Variants in EIF2B3 observed in about 807,000 individuals in gnomAD.
The protein encoded by EIF2B3 is eukaryotic translation initiation factor 2B subunit gamma, also known as translation initiation factor eIF2B subunit gamma.
A neutral mutation model predicts 54.1 loss-of-function variants in EIF2B3; 20 were observed. The ratio of observed to expected loss-of-function variants is 0.37; its 90% CI spans 0.26 to 0.54. EIF2B3 has a LOEUF of 0.54. Ranked by LOEUF, EIF2B3 falls within the 20% of genes least tolerant of loss-of-function variation. The pLI is 0.86. For missense variants in EIF2B3, 448 were observed against 547.8 expected, an observed-to-expected ratio of 0.82 and a Z score of 1.82; for synonymous variants, 153 against 188.1, an observed-to-expected ratio of 0.81 and a Z score of 1.52.
intron 8 of EIF2B3, among the ~76,000 whole-genome samples, 161 bp downstream of exon 8, chr1:44,879,657 C>T (rs2148904644): frequency 6.6e-6 from 1 of 152,238 alleles, no homozygotes; most frequent in East Asian, 1.9e-4. Context: ...TTTGCTGCAC[C>T]TGAGTACCCT....
intron 1 of EIF2B3, among the ~76,000 whole-genome samples, chr1:44,982,915 A>G (rs1224274311): frequency 6.6e-6 from 1 of 152,124 alleles, no homozygotes; most frequent in Non-Finnish European, 1.5e-5. Context: ...GGCATGCACC[A>G]CCACGCCCAG....
At chr1:44,929,609 A>G (rs905453334) in intron 4 of EIF2B3, among the ~76,000 whole-genome samples, 1 of 152,236 alleles carries the variant, frequency 6.6e-6, no homozygotes, top group African/African-American at 2.4e-5. Context: ...TATACATTAC[A>G]TGGAAACTTG....
chr1:44,881,581 C>T lies in EIF2B3; in HGVS notation c.784+31G>A, dbSNP rs1489355070. On this transcript the variant is annotated intron_variant, in intron 7 of 11. Transcript: ENST00000360403. This position sits in a 1 kb window ranked among gnomAD's most constrained non-coding sequence, Gnocchi z 4.0. Reference sequence around the variant, plus strand: ...CTTTCCAAAGGTGCTGCTACCCTTGCCCCTCTTACTGAACCAACCCAAGAA... The same window carrying T: ...CTTTCCAAAGGTGCTGCTACCCTTGTCCCTCTTACTGAACCAACCCAAGAA... The T allele has an allele frequency of 4.3e-6, 7 of 1,612,788 alleles. No individual in the cohort carries two copies. In the East Asian group the frequency reaches 1.3e-4, roughly 31 times the overall value.
rs562316677 is a variant in EIF2B3, at chr1:44,940,314, A to G, written c.454+1192T>C. Among the ~76,000 whole-genome samples the G allele has an allele frequency of 1.3e-5, 2 of 152,340 alleles. 1 individual carries two copies. Among genetic ancestry groups the G allele is most frequent in the South Asian group, 4.1e-4 (2 of 4,828 alleles). ...ATAATGCTGGCAAAGCAAAACCTAA[A>G]GAATACATCATTCCAGAGGAAAACT... On this transcript the variant is annotated intron_variant, in intron 4 of 11. Transcript: ENST00000360403.
chr1:44,929,597 C>T (rs1643879669), intron 4 of EIF2B3, among the ~76,000 whole-genome samples: 1 of 152,158 alleles, frequency 6.6e-6, no homozygotes, highest in Admixed American at 6.6e-5. Flanking sequence ...CATATATCAA[C>T]TTATACATTA....
intron 1 of EIF2B3, among the ~76,000 whole-genome samples, chr1:44,984,552 TCA>T (rs1644549388): frequency 6.6e-6 from 1 of 152,044 alleles, no homozygotes; most frequent in Non-Finnish European, 1.5e-5. Flanking sequence ...TTTAAAACTC[TCA>T]GTGTCCTCAG....
intron 1 of EIF2B3, among the ~76,000 whole-genome samples, chr1:44,981,606 T>C (rs568158259): frequency 2.6e-4 from 40 of 152,318 alleles, no homozygotes; most frequent in African/African-American, 9.4e-4. Context: ...AGTAAGAGTT[T>C]ACCAAGTGGA....
intron 5 of EIF2B3, among the ~76,000 whole-genome samples, chr1:44,902,681 A>T: frequency 6.6e-6 from 1 of 151,714 alleles, no homozygotes; most frequent in East Asian, 1.9e-4. Context: ...AAGAAAAACT[A>T]GCCAGGCATG....
intron 11 of EIF2B3, among the ~76,000 whole-genome samples, chr1:44,852,731 A>T (rs995334109): frequency 6.6e-6 from 1 of 151,024 alleles, no homozygotes; most frequent in Non-Finnish European, 1.5e-5. Context: ...GTGAGCCGAG[A>T]TCGCAGCATT....
intron 5 of EIF2B3, among the ~76,000 whole-genome samples, chr1:44,921,823 T>A (rs1415922183): frequency 6.6e-6 from 1 of 152,094 alleles, no homozygotes; most frequent in Non-Finnish European, 1.5e-5. Context: ...GGTAATATGA[T>A]TCCTGTAGCT....
intron 6 of EIF2B3, among the ~76,000 whole-genome samples, chr1:44,895,569 T>C (rs1655943377): frequency 6.6e-6 from 1 of 151,984 alleles, no homozygotes; most frequent in South Asian, 2.1e-4. Context: ...ATATATCTAT[T>C]TTAAATATCC....
At chr1:44,905,204 T>C (rs1643390689) in intron 5 of EIF2B3, among the ~76,000 whole-genome samples, 1 of 152,318 alleles carries the variant, frequency 6.6e-6, no homozygotes, top group Middle Eastern at 3.4e-3. Flanking sequence ...GGGTAGGCTA[T>C]GACACCATAG....
Position 44,851,123 on chromosome 1 carries a change from G to A in EIF2B3, c.1307-120C>T, listed in dbSNP as rs1654254206. The A allele has an allele frequency of 4.2e-6, 4 of 947,758 alleles. No individual in the cohort carries two copies. In the Admixed American group the frequency reaches 5.7e-5, roughly 14 times the overall value. The allele number at this position is 947,758 out of a possible 1,614,324, so 58.7% of individuals were successfully genotyped here. A position where few individuals can be genotyped will look rare whatever the true frequency, so the allele number is the denominator to read the frequency against. On this transcript the variant is annotated intron_variant, in intron 11 of 11. Coordinates refer to ENST00000360403, the MANE Select transcript of EIF2B3 (RefSeq NM_020365.5). ...CTTGTCACCCAGGCTGGAGTGCAGT[G>A]GCACAATCTCGGCTTACTGCAACCT...
chr1:44,864,893 T>C (rs1654719425), intron 10 of EIF2B3, among the ~76,000 whole-genome samples: 1 of 152,240 alleles, frequency 6.6e-6, no homozygotes, highest in Non-Finnish European at 1.5e-5. Flanking sequence ...GTTGTTTCAC[T>C]GTCTTCTGGC....
intron 3 of EIF2B3, among the ~76,000 whole-genome samples, chr1:44,944,749 C>T (rs1341152686): frequency 1.3e-5 from 2 of 152,048 alleles, no homozygotes; most frequent in Admixed American, 6.6e-5. Context: ...TTGCTTAAAC[C>T]TCAGAGGAGT....
intron 10 of EIF2B3, among the ~76,000 whole-genome samples, chr1:44,870,926 G>A (rs1654945520): frequency 6.6e-6 from 1 of 152,108 alleles, no homozygotes; most frequent in Non-Finnish European, 1.5e-5. Context: ...GGGACTACAG[G>A]CATGAGCCAC....
At chr1:44,862,275 A>T (rs1654633174) in intron 10 of EIF2B3, among the ~76,000 whole-genome samples, 1 of 152,200 alleles carries the variant, frequency 6.6e-6, no homozygotes, top group African/African-American at 2.4e-5. Context: ...GATGGCTAAG[A>T]CTAATGGAGA....
intron 6 of EIF2B3, among the ~76,000 whole-genome samples, chr1:44,893,960 C>A (rs1655884839): frequency 6.6e-6 from 1 of 152,130 alleles, no homozygotes; most frequent in Non-Finnish European, 1.5e-5. Flanking sequence ...ACAAAGCTGG[C>A]ATATTGGCAT....
chr1:44,917,441 C>A (rs774962914), intron 5 of EIF2B3, among the ~76,000 whole-genome samples: 45 of 148,594 alleles, frequency 3.0e-4, no homozygotes, highest in Non-Finnish European at 5.5e-4. Flanking sequence ...TGCGGTGAGC[C>A]GAGATCACGC....
Sources: gnomAD v4.1 joint callset for allele counts (sites outside exome capture counted in the v4.1 genomes callset) on GRCh38, gnomAD v4.1.1 for gene constraint, Gnocchi (gnomAD v3.1) non-coding constraint, MANE v1.5 for transcripts, NCBI Gene and HGNC (gene_info 2026-07-23, HGNC 2026-07-21) for gene names.